The following HDAC8 variants were observed in gnomAD, a reference collection of about 807,000 sequenced individuals.
HDAC8 encodes the protein histone deacetylase-like 1.
In HDAC8, 1 loss-of-function variant was observed where a neutral mutation model predicts 32.2. The ratio of observed to expected loss-of-function variants is 0.03; its 90% confidence interval spans 0.01 to 0.15. The LOEUF (loss-of-function observed/expected upper bound fraction) is 0.15. HDAC8 is among the 10% of genes least tolerant of loss of function. The probability of loss-of-function intolerance (pLI) is 1.00; values close to 1 mark genes in which losing one functional copy is unlikely to be tolerated. For missense variants in HDAC8, 117 were observed against 300.0 expected (o/e 0.39, Z 4.51); for synonymous variants, 108 against 113.9 (o/e 0.95, Z 0.33).
At chrX:72,544,258 G>A (rs2050793554) in intron 4 of HDAC8, among the ~76,000 whole-genome samples, 1 of 111,470 alleles carries the variant, frequency 9.0e-6, no homozygotes, top group Admixed American at 9.6e-5. Context: ...GGAGAAGTGG[G>A]GACAGGGGCA....
intron 9 of HDAC8, among the ~76,000 whole-genome samples, chrX:72,352,419 G>T (rs1555949227): frequency 9.0e-6 from 1 of 111,615 alleles, no homozygotes; most frequent in Non-Finnish European, 1.9e-5. Context: ...TTGTTGCAGA[G>T]GGACTATAAA....
At position 72,358,052 on chromosome X, in the gene HDAC8, G is replaced by A. The variant is rs1338111329; in HGVS notation, c.1006-6214C>T. On this transcript the variant is annotated intron_variant, in intron 9 of 10. Transcript: ENST00000373573. ...CCCGAGTAGCTGGGATTATAGGCGC[G>A]CACCACCACGTCTGGCTAATTTTTT... 2.7e-5 allele frequency among the ~76,000 whole-genome samples: 3 copies of A among 109,558 alleles called. No homozygotes were observed. In the East Asian group the frequency reaches 8.6e-4, roughly 32 times the overall value.
intron 9 of HDAC8, among the ~76,000 whole-genome samples, chrX:72,398,127 TA>T (rs1331009992): frequency 8.9e-6 from 1 of 112,173 alleles, no homozygotes; most frequent in African/African-American, 3.2e-5. Context: ...TAAATTACAT[TA>T]TTTTTTTTCC....
chrX:72,506,117 C>T (rs782765927), intron 4 of HDAC8, among the ~76,000 whole-genome samples: 37 of 111,739 alleles, frequency 3.3e-4, no homozygotes, highest in African/African-American at 9.4e-4. Flanking sequence ...TAAACCTAGA[C>T]GAACACAGAA....
chrX:72,359,754 G>A (rs1555951869), intron 9 of HDAC8, among the ~76,000 whole-genome samples: 1 of 110,987 alleles, frequency 9.0e-6, no homozygotes, highest in Non-Finnish European at 1.9e-5. Context: ...GAGTGGATGG[G>A]AAAGAGATAC....
intron 10 of HDAC8, among the ~76,000 whole-genome samples, chrX:72,336,773 A>G (rs1358504732): frequency 1.8e-5 from 2 of 109,185 alleles, no homozygotes; most frequent in Non-Finnish European, 1.9e-5. Flanking sequence ...TTTTTGAGAC[A>G]GGGTCTCGCT....
intron 7 of HDAC8, among the ~76,000 whole-genome samples, chrX:72,485,638 A>T (rs1302360419): frequency 2.7e-5 from 3 of 110,997 alleles, no homozygotes; most frequent in Admixed American, 9.6e-5. Flanking sequence ...CAAGAAAAGG[A>T]AGGAAGGAAG....
chrX:72,462,233 C>T (rs905085014), intron 8 of HDAC8, 135 bp from the exon 9 acceptor site: 3 of 493,035 alleles, frequency 6.1e-6, no homozygotes, highest in African/African-American at 4.8e-5. Context: ...CTAATCCCCC[C>T]TTTGTGATAT....
At chrX:72,513,925 G>A (rs1383268508) in intron 4 of HDAC8, among the ~76,000 whole-genome samples, 1 of 111,873 alleles carries the variant, frequency 8.9e-6, no homozygotes, top group Non-Finnish European at 1.9e-5. Context: ...TGGGTCAAGA[G>A]TCACACCATT....
intron 9 of HDAC8, among the ~76,000 whole-genome samples, chrX:72,408,761 G>A (rs2046114358): frequency 9.0e-6 from 1 of 111,668 alleles, no homozygotes; most frequent in South Asian, 3.8e-4. Context: ...GAAAGTGGGG[G>A]TATGCCAGGT....
At chrX:72,401,072 T>C (rs781958076) in intron 9 of HDAC8, among the ~76,000 whole-genome samples, 5 of 112,173 alleles carry the variant, frequency 4.5e-5, no homozygotes, top group African/African-American at 1.3e-4. Flanking sequence ...TGTGAACATA[T>C]GTTTTCATTG....
intron 4 of HDAC8, among the ~76,000 whole-genome samples, chrX:72,529,156 T>G (rs781803026): frequency 8.9e-6 from 1 of 112,418 alleles, no homozygotes; most frequent in East Asian, 2.8e-4. Flanking sequence ...TGCTATGTAG[T>G]AAATACCTGT....
intron 9 of HDAC8, among the ~76,000 whole-genome samples, chrX:72,412,816 T>C (rs1411649606): frequency 8.9e-6 from 1 of 112,119 alleles, no homozygotes; most frequent in Non-Finnish European, 1.9e-5. Flanking sequence ...TGTGGGAAAT[T>C]GTAACATGAC....
intron 4 of HDAC8, among the ~76,000 whole-genome samples, chrX:72,566,652 C>A (rs1336727419): frequency 4.5e-5 from 5 of 112,135 alleles, no homozygotes; most frequent in African/African-American, 1.6e-4. Context: ...CAATTGATTC[C>A]TGAGTGAGGC....
intron 10 of HDAC8, among the ~76,000 whole-genome samples, chrX:72,335,193 ATTAAC>A (rs2043645541): frequency 8.9e-6 from 1 of 112,321 alleles, no homozygotes; most frequent in South Asian, 3.7e-4. Flanking sequence ...ATACATTATC[ATTAAC>A]TTAAGTCCAC....
At chrX:72,442,991 C>G (rs1381978324) in intron 9 of HDAC8, among the ~76,000 whole-genome samples, 1 of 107,272 alleles carries the variant, frequency 9.3e-6, no homozygotes, top group African/African-American at 3.4e-5. Context: ...GCTAACTATC[C>G]TAAATATATA....
intron 8 of HDAC8, among the ~76,000 whole-genome samples, chrX:72,464,257 G>A (rs1162825953): frequency 5.4e-5 from 6 of 111,991 alleles, no homozygotes; most frequent in Non-Finnish European, 9.4e-5. Flanking sequence ...AAAGTCTACC[G>A]GGGTTAACAT....
At chrX:72,478,036 G>A (rs2048386974) in intron 7 of HDAC8, among the ~76,000 whole-genome samples, 1 of 112,666 alleles carries the variant, frequency 8.9e-6, no homozygotes, top group Non-Finnish European at 1.9e-5. Flanking sequence ...ACACAGGGAA[G>A]CGATTCATTC....
rs782500785 is a variant in HDAC8 at position 72,372,399 on chromosome X, G to A, written c.1006-20561C>T. On this transcript the variant is annotated intron_variant, in intron 9 of 10. Coordinates refer to ENST00000373573, the MANE Select transcript of HDAC8 (RefSeq NM_018486.3). ...TGAGCTCTTTCAGGATAGAGAGTAT[G>A]TCTTTTTTATCTCTATATAGCACGG... Among the ~76,000 whole-genome samples the A allele has an allele frequency of 2.7e-5, 3 of 111,304 alleles. No homozygotes were observed. In the South Asian group the frequency reaches 1.2e-3, roughly 43 times the overall value.
Sources: gnomAD v4.1 joint callset for allele counts (sites outside exome capture counted in the v4.1 genomes callset) on GRCh38, gnomAD v4.1.1 for gene constraint, MANE v1.5 for transcripts, NCBI Gene and HGNC (gene_info 2026-07-23, HGNC 2026-07-21) for gene names.